The following WDR7 variants were observed in gnomAD, a reference collection of about 807,000 sequenced individuals.
WDR7 encodes WD repeat domain 7, also known as WD repeat-containing protein 7.
Under a neutral mutation model 169.4 loss-of-function variants are expected in WDR7, and 46 were observed. The observed-to-expected ratio is 0.27, with a 90% CI of 0.21 to 0.35. The LOEUF is 0.35. Among genes scored for constraint, WDR7 ranks in the 10% least tolerant of loss-of-function variants. The pLI is 1.00. For missense variants in WDR7, 1,534 were observed against 1,859.3 expected (o/e 0.83, Z 3.22); for synonymous variants, 612 against 666.8 (o/e 0.92, Z 1.27).
chr18:56,913,039 T>C (rs944974296), intron 21 of WDR7, among the ~76,000 whole-genome samples: 5 of 151,948 alleles, frequency 3.3e-5, no homozygotes, highest in Non-Finnish European at 7.4e-5. Flanking sequence ...ATGCCTAATT[T>C]TTTCAAGAAT....
intron 20 of WDR7, among the ~76,000 whole-genome samples, chr18:56,821,385 G>A (rs1421890625): frequency 6.6e-6 from 1 of 152,118 alleles, no homozygotes; most frequent in East Asian, 1.9e-4. Context: ...CAAGCTGAGA[G>A]AGATAACTTT....
rs377742143 is a variant in WDR7, at chr18:56,924,073, C to G, written c.3678C>G (p.Leu1226=). The G allele has an allele frequency of 5.0e-6, 8 of 1,612,736 alleles. No homozygotes were observed. In the African/African-American group the frequency reaches 5.3e-5, roughly 11 times the overall value. ...MDVSAVLMGL[L]ELCADAEKQL... ...TGTCCGCTGTTCTGATGGGGCTTCTCGAACTTTGTGCCGATGCCGAGAAAC... is the reference window on the plus strand; with the variant it reads ...TGTCCGCTGTTCTGATGGGGCTTCTGGAACTTTGTGCCGATGCCGAGAAAC... Residue 1226 remains leucine (L), a synonymous_variant, in exon 22 of 28, where the codon CTC becomes CTG. Transcript: ENST00000254442.
At chr18:56,663,730 C>T (rs559911897) in intron 1 of WDR7, among the ~76,000 whole-genome samples, 2 of 151,430 alleles carry the variant, frequency 1.3e-5, no homozygotes, top group African/African-American at 2.4e-5. Context: ...AAATATGACA[C>T]GATATTATTT....
intron 20 of WDR7, among the ~76,000 whole-genome samples, chr18:56,842,505 T>C (rs567898855): frequency 1.3e-4 from 20 of 152,272 alleles, no homozygotes; most frequent in African/African-American, 4.8e-4. Context: ...ACTGACGCCA[T>C]GTTGCAAGGT....
At chr18:56,886,000 T>G (rs893591395) in intron 21 of WDR7, among the ~76,000 whole-genome samples, 2 of 152,186 alleles carry the variant, frequency 1.3e-5, no homozygotes, top group Non-Finnish European at 2.9e-5. Context: ...TGTTTAAACC[T>G]AAGAATAATT....
intron 13 of WDR7, among the ~76,000 whole-genome samples, chr18:56,729,461 C>A (rs756188977): frequency 4.2e-4 from 64 of 152,094 alleles, no homozygotes; most frequent in Non-Finnish European, 7.7e-4. Flanking sequence ...ACTGTAATAT[C>A]CCTTCCCCCA....
chr18:56,910,735 A>G (rs749219041), intron 21 of WDR7, among the ~76,000 whole-genome samples: 19 of 152,162 alleles, frequency 1.2e-4, no homozygotes, highest in Non-Finnish European at 2.8e-4. Context: ...TTTGTCTTAA[A>G]TGAATGTAAA....
At chr18:56,944,273 T>C (rs1161871493) in intron 25 of WDR7, among the ~76,000 whole-genome samples, 4 of 152,188 alleles carry the variant, frequency 2.6e-5, no homozygotes, top group Non-Finnish European at 4.4e-5. Context: ...ATTATAGGCG[T>C]GAGCCACTGC....
In WDR7 at chr18:56,795,782, T is replaced by C. The variant is rs2044574429; in HGVS notation, c.3190+14126T>C. On this transcript the variant is annotated intron_variant, in intron 19 of 27. Transcript: ENST00000254442. ...TTTGTTTGTTTGCTTATAGTTACTT[T>C]TTCTTCTTAGGGTATAAACCACTGA... Among the ~76,000 whole-genome samples the C allele has an allele frequency of 2.0e-5, 3 of 152,220 alleles. No homozygotes were observed. The South Asian group carries it at 6.2e-4, about 32-fold the overall frequency.
chr18:56,917,132 T>A (rs1599155927), intron 21 of WDR7, among the ~76,000 whole-genome samples: 1 of 151,758 alleles, frequency 6.6e-6, no homozygotes, highest in Admixed American at 6.6e-5. Flanking sequence ...GGGAGACAGA[T>A]GTTGCAGTGA....
chr18:56,691,388 A>G, intron 8 of WDR7, 27 bp downstream of exon 8: 2 of 1,548,278 alleles, frequency 1.3e-6, no homozygotes, highest in Non-Finnish European at 8.6e-7. Flanking sequence ...AAATTAGGAC[A>G]GTCATCAAAA....
intron 26 of WDR7, among the ~76,000 whole-genome samples, chr18:56,983,026 G>A (rs749453749): frequency 6.6e-6 from 1 of 152,188 alleles, no homozygotes; most frequent in Middle Eastern, 3.2e-3. Context: ...ATTTAGGCAA[G>A]CTGATCTCAA....
intron 21 of WDR7, among the ~76,000 whole-genome samples, chr18:56,888,309 C>T (rs1599131842): frequency 6.6e-6 from 1 of 152,366 alleles, no homozygotes; most frequent in East Asian, 1.9e-4. Flanking sequence ...AGCTGAAGGA[C>T]TCTGAAGATT....
At chr18:56,779,346 T>C in intron 17 of WDR7, 85 bp from the exon 18 acceptor site, 1 of 1,018,774 alleles carries the variant, frequency 9.8e-7, no homozygotes, top group Non-Finnish European at 1.4e-6. Context: ...CCTTTTTTTG[T>C]TTTTGGTATA....
chr18:56,911,627 G>T (rs545556795), intron 21 of WDR7, among the ~76,000 whole-genome samples: 1 of 152,136 alleles, frequency 6.6e-6, no homozygotes, highest in Admixed American at 6.5e-5. Flanking sequence ...CTGTGTATGC[G>T]TAAAGGGTTA....
chr18:56,741,999 T>TAACACACCCA (rs1568168877), intron 14 of WDR7, among the ~76,000 whole-genome samples: 1 of 152,186 alleles, frequency 6.6e-6, no homozygotes. Flanking sequence ...ATAATAGGTG[T>TAACACACCCA]TCAATGGATT....
chr18:56,782,237 T>A (rs962083103), intron 19 of WDR7: 1 of 152,200 alleles, frequency 6.6e-6, no homozygotes, highest in South Asian at 2.1e-4. Context: ...TGTTGCTACA[T>A]TGAATGTGCA....
chr18:56,687,886 C>A (rs542004575), intron 7 of WDR7, among the ~76,000 whole-genome samples: 43 of 152,278 alleles, frequency 2.8e-4, no homozygotes, highest in African/African-American at 9.4e-4. Context: ...CCTCAGCCCC[C>A]CAAAGTGCTG....
intron 20 of WDR7, chr18:56,874,024 G>C (rs1194828161): frequency 6.6e-6 from 1 of 152,242 alleles, no homozygotes; most frequent in Non-Finnish European, 1.5e-5. Flanking sequence ...TATGGAGCAT[G>C]CTCTTGCTGA....
Sources: allele counts gnomAD v4.1 joint callset (sites outside exome capture counted in the v4.1 genomes callset), GRCh38; gene constraint gnomAD v4.1.1; transcripts MANE v1.5; gene names NCBI Gene and HGNC (gene_info 2026-07-23, HGNC 2026-07-21).